Variants in WWP2 observed in about 807,000 individuals in gnomAD.
WWP2 encodes the protein WW domain containing E3 ubiquitin protein ligase 2.
A neutral mutation model predicts 121.0 loss-of-function variants in WWP2; 57 were observed. The observed-to-expected ratio is 0.47, with a 90% confidence interval of 0.38 to 0.59. WWP2 has a LOEUF of 0.59. Ranked by LOEUF, WWP2 falls within the 20% of genes least tolerant of loss-of-function variation. WWP2 has a pLI of 0.00. For missense variants in WWP2, 962 were observed against 1,158.9 expected (o/e 0.83, Z 2.47); for synonymous variants, 449 against 441.3 (o/e 1.02, Z -0.22).
At chr16:69,867,635 G>C (rs887101900) in intron 6 of WWP2, among the ~76,000 whole-genome samples, 1 of 152,302 alleles carries the variant, frequency 6.6e-6, no homozygotes, top group East Asian at 1.9e-4. Context: ...GGTCCTGGTC[G>C]TGGCTGGCCT....
At chr16:69,836,291 C>T (rs987648815) in intron 4 of WWP2, among the ~76,000 whole-genome samples, 19 of 42,522 alleles carry the variant, frequency 4.5e-4, no homozygotes, top group Admixed American at 2.2e-3. Flanking sequence ...CATCCTGCCT[C>T]CTTTTTTTTT....
chr16:69,839,898 G>T (rs2056943481), intron 4 of WWP2, among the ~76,000 whole-genome samples: 1 of 152,224 alleles, frequency 6.6e-6, no homozygotes, highest in Non-Finnish European at 1.5e-5. Flanking sequence ...CCAGTGATAT[G>T]AAATGTTTAG....
intron 4 of WWP2, among the ~76,000 whole-genome samples, chr16:69,819,475 C>T (rs1211181821): frequency 6.6e-6 from 1 of 152,224 alleles, no homozygotes; most frequent in Non-Finnish European, 1.5e-5. Context: ...GCCACTGACC[C>T]TTGGCACTGG....
chr16:69,883,545 C>A (rs1321341476), intron 7 of WWP2, among the ~76,000 whole-genome samples: 1 of 152,144 alleles, frequency 6.6e-6, no homozygotes, highest in Non-Finnish European at 1.5e-5. Flanking sequence ...CAAATCTGAA[C>A]TCAAGGTATA....
In WWP2 at chr16:69,937,315, C is replaced by A; in HGVS notation, c.2238+77C>A. 6.4e-7 allele frequency: 1 copy of A among 1,571,908 alleles called. No homozygotes were observed. Among genetic ancestry groups the A allele is most frequent in the Non-Finnish European group, 8.6e-7 (1 of 1,158,026 alleles). On this transcript the variant is annotated intron_variant, in intron 20 of 23. Coordinates refer to ENST00000359154, the MANE Select transcript of WWP2 (RefSeq NM_001270454.2). The surrounding 1 kb of genome is among the most constrained non-coding windows in gnomAD (Gnocchi z 6.6). The stretch of plus-strand genomic sequence containing the variant: ...TGCTCTGTGATACGCTCACTGTGTA[C>A]CCACAGACACTCAGCGTAAAACTCC...
At chr16:69,936,611 G>C (rs543424653) in intron 19 of WWP2, 159 bp downstream of exon 19, 24 of 1,063,086 alleles carry the variant, frequency 2.3e-5, no homozygotes, top group Non-Finnish European at 2.9e-5. Flanking sequence ...GTGATGGCGC[G>C]AGCTGGGGGA....
At chr16:69,812,479 T>TCCC (rs1596981772) in intron 4 of WWP2, among the ~76,000 whole-genome samples, 3 of 129,740 alleles carry the variant, frequency 2.3e-5, no homozygotes, top group South Asian at 2.9e-4. Context: ...CCCCCCCCCT[T>TCCC]TTTTTTTTTT....
intron 8 of WWP2, among the ~76,000 whole-genome samples, chr16:69,895,608 A>G (rs914866584): frequency 2.6e-5 from 4 of 152,146 alleles, no homozygotes; most frequent in African/African-American, 7.2e-5. Context: ...TACAAAAAAT[A>G]CAAACAAAAA....
intron 8 of WWP2, among the ~76,000 whole-genome samples, chr16:69,903,989 C>T (rs2151955540): frequency 6.6e-6 from 1 of 152,290 alleles, no homozygotes; most frequent in Middle Eastern, 3.4e-3. Flanking sequence ...CTAAATTCTT[C>T]GGGAGTGCTG....
intron 7 of WWP2, among the ~76,000 whole-genome samples, chr16:69,873,291 C>T (rs894346487): frequency 3.9e-5 from 6 of 152,220 alleles, no homozygotes; most frequent in South Asian, 2.1e-4. Context: ...TCAGAGTCCC[C>T]GTGGCTGCTG....
intron 9 of WWP2, among the ~76,000 whole-genome samples, chr16:69,917,078 TATATC>T (rs2058489547): frequency 3.3e-5 from 5 of 152,254 alleles, no homozygotes; most frequent in Admixed American, 3.3e-4. Context: ...ACTGGCACCT[TATATC>T]AGGTGAGTTT....
At chr16:69,822,204 C>T (rs1026773640) in intron 4 of WWP2, among the ~76,000 whole-genome samples, 14 of 152,140 alleles carry the variant, frequency 9.2e-5, no homozygotes, top group African/African-American at 2.4e-4. Context: ...AGAGTTTCTT[C>T]GTGTTGGGTC....
At chr16:69,933,657 C>G (rs1012358364) in intron 16 of WWP2, among the ~76,000 whole-genome samples, 6 of 152,176 alleles carry the variant, frequency 3.9e-5, no homozygotes, top group Admixed American at 2.6e-4. Flanking sequence ...CAAGGACCCC[C>G]TTTACCATTA....
At chr16:69,913,324 C>T (rs889156940) in intron 9 of WWP2, among the ~76,000 whole-genome samples, 1 of 151,588 alleles carries the variant, frequency 6.6e-6, no homozygotes. Context: ...TGAGCCACCA[C>T]GCCCAGCCAA....
Position 69,936,361 on chromosome 16 carries a change from A to G in WWP2, c.2026A>G (p.Met676Val), listed in dbSNP as rs773683409. 15 of 1,614,102 alleles carry G rather than the reference A, an allele frequency of 9.3e-6. No individual in the cohort carries two copies. The highest frequency in any genetic ancestry group is 1.2e-5 in the Non-Finnish European group (14 of 1,180,026). ...CCTGGAGCTGTACTTCATCCAGGACATGGAGATACTGGGCAAGGTGACGAC... is the reference window on the plus strand; with the variant it reads ...CCTGGAGCTGTACTTCATCCAGGACGTGGAGATACTGGGCAAGGTGACGAC... The part of the protein sequence containing the change: ...CGLELYFIQD[M>V]EILGKVTTHE... Residue 676 changes from methionine (M) to valine (V), a missense_variant, in exon 19 of 24, where the codon ATG (methionine) becomes GTG (valine). Physicochemically the swap from Met to Val is conservative, Grantham distance 21. Coordinates refer to ENST00000359154, the MANE Select transcript of WWP2 (RefSeq NM_001270454.2).
chr16:69,769,480 T>C (rs1028273948), intron 1 of WWP2, among the ~76,000 whole-genome samples: 9 of 152,158 alleles, frequency 5.9e-5, no homozygotes, highest in Non-Finnish European at 1.2e-4. Flanking sequence ...ATATTGATAC[T>C]GGTGTGTAAT....
Position 69,929,464 on chromosome 16 carries a change from T to C in WWP2, c.1251T>C (p.Asn417=). The C allele has an allele frequency of 3.1e-6, 5 of 1,614,088 alleles. No individual in the cohort carries two copies. The highest frequency in any genetic ancestry group is 1.3e-5 in the African/African-American group (1 of 75,050). ...LPPGWEKRQD[N]GRVYYVNHNT... ...ATGTGGCAGAGAAGAGACAGGACAA[T>C]GGACGGGTGTATTACGTGAACCATA... is the stretch of plus-strand genomic sequence containing the variant. The change falls in exon 12 of 24, where the codon AAT becomes AAC. Residue 417 remains asparagine (N), a synonymous_variant. Transcript: ENST00000359154.
At position 69,887,958 on chromosome 16, in the gene WWP2, C is replaced by T. The variant is rs1047828644; in HGVS notation, c.704-81C>T. ...GTAACATTGTAGATACCATGTTAGC[C>T]TATTAAGTGAAAAACCTAGCAAGTA... On this transcript the variant is annotated intron_variant, in intron 7 of 23. Transcript: ENST00000359154. 1.3e-5 allele frequency: 20 copies of T among 1,521,262 alleles called. No individual in the cohort carries two copies. In the African/African-American group the frequency reaches 2.5e-4, roughly 19 times the overall value. 94.2% of individuals were successfully genotyped at this position (1,521,262 alleles called of 1,614,324 possible).
At chr16:69,882,543 A>G (rs2057849614) in intron 7 of WWP2, among the ~76,000 whole-genome samples, 1 of 152,234 alleles carries the variant, frequency 6.6e-6, no homozygotes. Context: ...GAAACCACAC[A>G]TCAGCAAAGT....
Sources: allele counts gnomAD v4.1 joint callset (sites outside exome capture counted in the v4.1 genomes callset), GRCh38; gene constraint gnomAD v4.1.1; non-coding constraint Gnocchi (gnomAD v3.1); transcripts MANE v1.5; gene names NCBI Gene and HGNC (gene_info 2026-07-23, HGNC 2026-07-21).